The following HSCB variants were observed in gnomAD, a reference collection of about 807,000 sequenced individuals.
The protein encoded by HSCB is HscB mitochondrial iron-sulfur cluster cochaperone, also known as iron-sulfur cluster co-chaperone protein HscB.
In HSCB, 23 loss-of-function variants were observed where a neutral mutation model predicts 31.3. That is an observed-to-expected ratio of 0.74 (90% CI 0.53 to 1.04). The LOEUF is 1.04. Among genes scored for constraint, HSCB ranks in the 50% least tolerant of loss-of-function variants. The pLI is 0.00. For synonymous variants in HSCB, 110 were observed against 104.5 expected (o/e 1.05, Z -0.32); for missense variants, 297 against 288.1 (o/e 1.03, Z -0.22).
intron 4 of HSCB, 39 bp downstream of exon 4, chr22:28,746,047 T>C (rs199901789): frequency 6.3e-7 from 1 of 1,576,202 alleles, no homozygotes; most frequent in African/African-American, 1.4e-5. Context: ...TTCATTGCTG[T>C]TATGAACACT....
intron 5 of HSCB, among the ~76,000 whole-genome samples, chr22:28,756,356 GA>G (rs1157549156): frequency 1.3e-5 from 2 of 151,864 alleles, no homozygotes; most frequent in Non-Finnish European, 2.9e-5. Context: ...TAAGCCCCCT[GA>G]AGGCAGCTCT....
chr22:28,742,304 C>A lies in HSCB; in HGVS notation c.209C>A (p.Thr70Asn), dbSNP rs767538140. ...QCRALQAPDP[T>N]RDYFSLMDCN... ...CGAGCGCTGCAGGCACCTGACCCCA[C>A]TCGAGACTACTTCAGCCTTATGGAC... The change falls in exon 1 of 6, where the codon ACT becomes AAT. Residue 70 changes from threonine (T) to asparagine (N), a missense_variant. Physicochemically the swap from Thr to Asn is moderately conservative, Grantham distance 65. Transcript: ENST00000216027. The A allele has an allele frequency of 6.2e-7, 1 of 1,614,116 alleles. No individual in the cohort carries two copies. Among genetic ancestry groups the A allele is most frequent in the South Asian group, 1.1e-5 (1 of 91,068 alleles).
In HSCB at chr22:28,754,106, C is replaced by T. The variant is rs536358597; in HGVS notation, c.616+2818C>T. Among the ~76,000 whole-genome samples, 7 of 151,124 alleles carry T rather than the reference C, an allele frequency of 4.6e-5. No individual in the cohort carries two copies. The South Asian group carries it at 1.1e-3, about 23-fold the overall frequency. On this transcript the variant is annotated intron_variant, in intron 5 of 5. Coordinates refer to ENST00000216027, the MANE Select transcript of HSCB (RefSeq NM_172002.5). ...CGAGATCGTGTCACTGCACTCCTGACGGCAACAAGAGCGAAACTCCATCTC... is the reference window on the plus strand; with the variant it reads ...CGAGATCGTGTCACTGCACTCCTGATGGCAACAAGAGCGAAACTCCATCTC...
At chr22:28,749,152 A>AG (rs2030049892) in intron 4 of HSCB, among the ~76,000 whole-genome samples, 1 of 151,334 alleles carries the variant, frequency 6.6e-6, no homozygotes, top group East Asian at 1.9e-4. Context: ...AAGAAAAAAA[A>AG]AAAAAACTTT....
chr22:28,745,585 A>T (rs533491345), intron 3 of HSCB: 1 of 223,114 alleles, frequency 4.5e-6, no homozygotes, highest in East Asian at 8.7e-5. Flanking sequence ...AAAATTTTAT[A>T]ATTGAATAGA....
chr22:28,746,400 A>AAAAAG lies in HSCB; in HGVS notation c.568+394_568+395insAAGAA, dbSNP rs1450010883. 4.7e-3 allele frequency among the ~76,000 whole-genome samples: 707 copies of AAAAAG among 150,622 alleles called. 9 individuals carry two copies. The highest frequency in any genetic ancestry group is 0.017 in the African/African-American group (690 of 40,404). ...CATCTCAAAAAAAAAAAAAAAAAAA[A>AAAAAG]AAGGTTATTTATTTTAAGGAATTAG... is the stretch of plus-strand genomic sequence containing the variant. On this transcript the variant is annotated intron_variant, in intron 4 of 5. Coordinates refer to ENST00000216027, the MANE Select transcript of HSCB (RefSeq NM_172002.5).
intron 4 of HSCB, among the ~76,000 whole-genome samples, chr22:28,749,270 C>T (rs2030063401): frequency 6.6e-6 from 1 of 152,136 alleles, no homozygotes; most frequent in South Asian, 2.1e-4. Flanking sequence ...CCACAATGAC[C>T]ACTTCCAGTT....
chr22:28,747,188 C>G (rs1233557581), intron 4 of HSCB, among the ~76,000 whole-genome samples: 2 of 152,216 alleles, frequency 1.3e-5, no homozygotes, highest in South Asian at 2.1e-4. Context: ...AATGCCTCTA[C>G]TTGATTGGAT....
intron 2 of HSCB, 45 bp from the exon 3 acceptor site, chr22:28,744,570 T>G (rs1489812330): frequency 7.0e-7 from 1 of 1,419,368 alleles, no homozygotes. Context: ...CAAAAAAACT[T>G]TGTGATTTGG....
At chr22:28,743,033 A>G (rs1195755435) in intron 1 of HSCB, among the ~76,000 whole-genome samples, 1 of 152,122 alleles carries the variant, frequency 6.6e-6, no homozygotes, top group Non-Finnish European at 1.5e-5. Context: ...GGGCCGTGGA[A>G]AAGTTAGGGT....
chr22:28,753,528 C>CA (rs1288594977), intron 5 of HSCB, among the ~76,000 whole-genome samples: 1 of 143,212 alleles, frequency 7.0e-6, no homozygotes, highest in South Asian at 2.2e-4. Context: ...AACTCCAACT[C>CA]AAAAAAAAAG....
At chr22:28,746,204 A>C (rs1463290336) in intron 4 of HSCB, among the ~76,000 whole-genome samples, 196 bp downstream of exon 4, 3 of 151,830 alleles carry the variant, frequency 2.0e-5, no homozygotes, top group Non-Finnish European at 4.4e-5. Context: ...AACATGGTAA[A>C]ACCCTGTCTC....
Position 28,751,315 on chromosome 22 carries a change from A to G in HSCB, c.616+27A>G, listed in dbSNP as rs772356379. ...TACTTTCTTTTCTTCACTTTCTTAA[A>G]TATGGAAAGAAATTTCAAGCACTGA... On this transcript the variant is annotated intron_variant, in intron 5 of 5. Transcript: ENST00000216027. 12 of 1,453,068 alleles carry G rather than the reference A, an allele frequency of 8.3e-6. No individual in the cohort carries two copies. The South Asian group carries it at 1.4e-4, about 18-fold the overall frequency. The allele number at this position is 1,453,068 out of a possible 1,614,324, so 90.0% of individuals were successfully genotyped here.
chr22:28,744,106 C>G (rs565133201), intron 2 of HSCB, 128 bp downstream of exon 2: 1 of 767,974 alleles, frequency 1.3e-6, no homozygotes, highest in Admixed American at 2.0e-5. Flanking sequence ...GGCAGTCTGA[C>G]CCCAGCCTGT....
Position 28,745,881 on chromosome 22 carries a change from A to G in HSCB, c.441A>G (p.Ile147Met). ...RGLYLLKLHGIEIPERTDYEM... is the reference protein window; with the variant it reads ...RGLYLLKLHGMEIPERTDYEM... ...CCCAATAGCTAAAGCTCCATGGAAT[A>G]GAGATTCCTGAAAGGACAGATTATG... The change falls in exon 4 of 6, where the codon ATA (isoleucine) becomes ATG (methionine). Residue 147 changes from isoleucine to methionine, a missense_variant. Transcript: ENST00000216027. The G allele has an allele frequency of 6.2e-7, 1 of 1,612,186 alleles. No individual in the cohort carries two copies. Among genetic ancestry groups the G allele is most frequent in the Non-Finnish European group, 8.5e-7 (1 of 1,179,266 alleles).
chr22:28,749,551 C>T (rs5997391), intron 4 of HSCB, among the ~76,000 whole-genome samples: 10,692 of 152,218 alleles, frequency 0.07, 454 homozygotes, highest in East Asian at 0.17. Context: ...GAAATCATGT[C>T]TACTTTTTGC....
intron 5 of HSCB, among the ~76,000 whole-genome samples, chr22:28,751,918 C>T (rs146836333): frequency 0.012 from 1,884 of 151,498 alleles, 47 homozygotes; most frequent in African/African-American, 0.043. Flanking sequence ...GGTGAAACTC[C>T]AGCTCTACTA....
chr22:28,748,351 C>T (rs1356078679), intron 4 of HSCB, among the ~76,000 whole-genome samples: 1 of 152,126 alleles, frequency 6.6e-6, no homozygotes, highest in Non-Finnish European at 1.5e-5. Flanking sequence ...ATTCATCCAC[C>T]CATCTCTACT....
In HSCB at chr22:28,742,335, C is replaced by T. The variant is rs537036556; in HGVS notation, c.236+4C>T. ...ACTACTTCAGCCTTATGGACTGGTACGAGCGACGGTTTCGGGAAACGGGCC... is the reference window on the plus strand; with the variant it reads ...ACTACTTCAGCCTTATGGACTGGTATGAGCGACGGTTTCGGGAAACGGGCC... On this transcript the variant is annotated splice_donor_region_variant and intron_variant, in intron 1 of 5. Coordinates refer to ENST00000216027, the MANE Select transcript of HSCB (RefSeq NM_172002.5). The T allele has an allele frequency of 5.5e-5, 89 of 1,608,954 alleles. 3 individuals carry two copies. In the South Asian group the frequency reaches 9.7e-4, roughly 17 times the overall value.
Sources: gnomAD v4.1 joint callset for allele counts (sites outside exome capture counted in the v4.1 genomes callset) on GRCh38, gnomAD v4.1.1 for gene constraint, MANE v1.5 for transcripts, NCBI Gene and HGNC (gene_info 2026-07-23, HGNC 2026-07-21) for gene names.